ENAH: variants seen among roughly 807,000 people sequenced by gnomAD.
ENAH encodes the protein protein enabled homolog.
ENAH carries 23 observed loss-of-function variants against 78.7 expected under a neutral mutation model. That is an observed-to-expected ratio of 0.29 (90% CI 0.21 to 0.41). The LOEUF is 0.41. Ranked by LOEUF, ENAH falls within the 10% of genes least tolerant of loss-of-function variation. ENAH has a pLI of 1.00. For missense variants in ENAH, 544 were observed against 691.0 expected (o/e 0.79, Z 2.39); for synonymous variants, 226 against 241.0 (o/e 0.94, Z 0.58).
intron 1 of ENAH, among the ~76,000 whole-genome samples, chr1:225,599,039 A>G (rs1260933345): frequency 6.6e-6 from 1 of 152,218 alleles, no homozygotes; most frequent in Non-Finnish European, 1.5e-5. Flanking sequence ...AACTGCCATC[A>G]GGTGCCTCCA....
chr1:225,535,288 C>T (rs2096556211), intron 3 of ENAH, among the ~76,000 whole-genome samples: 1 of 152,084 alleles, frequency 6.6e-6, no homozygotes. Context: ...TTTTAAGATC[C>T]TAATTCTAAC....
intron 3 of ENAH, among the ~76,000 whole-genome samples, chr1:225,546,763 T>G (rs536386764): frequency 6.6e-6 from 1 of 152,274 alleles, no homozygotes; most frequent in South Asian, 2.1e-4. Flanking sequence ...GAACTCAATA[T>G]TTAGAGTCAA....
At chr1:225,591,764 C>CAAAAAAAAAA (rs55680042) in intron 1 of ENAH, among the ~76,000 whole-genome samples, 1 of 39,516 alleles carries the variant, frequency 2.5e-5, no homozygotes, top group Non-Finnish European at 5.9e-5. Context: ...GACTCCGTCT[C>CAAAAAAAAAA]AAAAAAAAAA....
At chr1:225,651,028 T>C (rs981176076) in intron 1 of ENAH, among the ~76,000 whole-genome samples, 11 of 151,990 alleles carry the variant, frequency 7.2e-5, no homozygotes, top group African/African-American at 2.7e-4. Context: ...ACAGTATGTA[T>C]ATTATAGTTC....
At chr1:225,518,116 G>C in intron 5 of ENAH, 1 of 752,564 alleles carries the variant, frequency 1.3e-6, no homozygotes, top group Non-Finnish European at 2.1e-6. Context: ...GTTAGTATCA[G>C]AGAATTAGGC....
At chr1:225,529,686 A>C (rs1380873858) in intron 4 of ENAH, among the ~76,000 whole-genome samples, 2 of 152,208 alleles carry the variant, frequency 1.3e-5, no homozygotes, top group African/African-American at 4.8e-5. Context: ...CAGTGGAGGC[A>C]TCCATAACCC....
intron 1 of ENAH, among the ~76,000 whole-genome samples, chr1:225,641,950 A>G (rs375781528): frequency 1.3e-5 from 2 of 152,002 alleles, no homozygotes; most frequent in Non-Finnish European, 2.9e-5. Flanking sequence ...GAACCCGGGA[A>G]GCAGAGGTTG....
chr1:225,573,877 G>A (rs2096775290), intron 1 of ENAH, among the ~76,000 whole-genome samples: 1 of 152,130 alleles, frequency 6.6e-6, no homozygotes, highest in Admixed American at 6.5e-5. Flanking sequence ...TTTGAAAATG[G>A]AAAATATGTC....
intron 7 of ENAH, 105 bp from the exon 8 acceptor site, chr1:225,513,121 A>G (rs2096389900): frequency 3.0e-6 from 3 of 1,008,704 alleles, no homozygotes; most frequent in African/African-American, 3.4e-5. Flanking sequence ...TAATTTTAAA[A>G]AACCTAAATA....
chr1:225,517,818 T>C (rs1316869278), intron 5 of ENAH: 2 of 1,550,894 alleles, frequency 1.3e-6, no homozygotes, highest in South Asian at 1.2e-5. Flanking sequence ...GCAGTGGTGG[T>C]GTAGGGGGTG....
intron 1 of ENAH, among the ~76,000 whole-genome samples, chr1:225,606,568 C>A (rs978707661): frequency 3.3e-5 from 5 of 151,934 alleles, no homozygotes; most frequent in African/African-American, 1.2e-4. Flanking sequence ...CAACTTTTGG[C>A]CAGATGCAGC....
Position 225,537,036 on chromosome 1 carries a change from GTTTGCAAATGGC to G in ENAH, c.350-6410_350-6399del, listed in dbSNP as rs1368319763. On this transcript the variant is annotated intron_variant, in intron 3 of 13. Coordinates refer to ENST00000366843, the MANE Select transcript of ENAH (RefSeq NM_018212.6). ...TTTTTTAAAAATCTGTCTTACCGAC[GTTTGCAAATGGC>G]TACTTCTATAAAACCTTTATTAAAG... Among the ~76,000 whole-genome samples, 36 of 151,854 alleles carry G rather than the reference GTTTGCAAATGGC, an allele frequency of 2.4e-4. No individual in the cohort carries two copies. In the South Asian group the frequency reaches 7.3e-3, roughly 31 times the overall value.
chr1:225,567,139 A>T (rs1269604541), intron 2 of ENAH, 110 bp downstream of exon 2: 8 of 1,236,096 alleles, frequency 6.5e-6, no homozygotes, highest in Admixed American at 5.0e-5. Flanking sequence ...AGTTTTTCCC[A>T]GAGAGAGACT....
At chr1:225,551,662 C>T (rs761786207) in intron 3 of ENAH, among the ~76,000 whole-genome samples, 2 of 151,944 alleles carry the variant, frequency 1.3e-5, no homozygotes, top group Non-Finnish European at 2.9e-5. Context: ...TTTTTAAAGT[C>T]TGAAAATCAC....
At chr1:225,530,272 TAAG>T (rs1176600790) in intron 4 of ENAH, among the ~76,000 whole-genome samples, 5 of 152,262 alleles carry the variant, frequency 3.3e-5, no homozygotes, top group African/African-American at 7.2e-5. Context: ...TCTTGAACCA[TAAG>T]AAGATTTTGA....
chr1:225,524,998 TAATA>T (rs1036863396), intron 4 of ENAH, among the ~76,000 whole-genome samples: 1 of 152,194 alleles, frequency 6.6e-6, no homozygotes, highest in South Asian at 2.1e-4. Flanking sequence ...ATAACAGTAG[TAATA>T]AATAACTTAA....
chr1:225,611,937 T>C (rs1353160219), intron 1 of ENAH, among the ~76,000 whole-genome samples: 1 of 152,194 alleles, frequency 6.6e-6, no homozygotes, highest in Admixed American at 6.5e-5. Context: ...AATAATGTAT[T>C]CGTGAGGATA....
chr1:225,572,938 A>G (rs532090511), intron 1 of ENAH, among the ~76,000 whole-genome samples: 18 of 152,218 alleles, frequency 1.2e-4, no homozygotes, highest in Non-Finnish European at 2.4e-4. Context: ...CTGGTTTAAA[A>G]GAAGGGAAAA....
At chr1:225,612,792 C>G (rs1399943624) in intron 1 of ENAH, among the ~76,000 whole-genome samples, 2 of 148,878 alleles carry the variant, frequency 1.3e-5, no homozygotes, top group Non-Finnish European at 3.0e-5. Flanking sequence ...CCGTAAGAAG[C>G]AAAAAAGTTT....
Sources: allele counts gnomAD v4.1 joint callset (sites outside exome capture counted in the v4.1 genomes callset), GRCh38; gene constraint gnomAD v4.1.1; transcripts MANE v1.5; gene names NCBI Gene and HGNC (gene_info 2026-07-23, HGNC 2026-07-21).